Variants in KLHL38 observed in about 807,000 individuals in gnomAD.
KLHL38 encodes kelch like family member 38.
A neutral mutation model predicts 39.6 loss-of-function variants in KLHL38; 38 were observed. The observed-to-expected ratio is 0.96, with a 90% CI of 0.74 to 1.26. The LOEUF is 1.26. Ranked by LOEUF, KLHL38 falls within the 50% of genes most tolerant of loss-of-function variation. The pLI is 0.00. For missense variants in KLHL38, 803 were observed against 748.1 expected (o/e 1.07, Z -0.86); for synonymous variants, 322 against 302.2 (o/e 1.07, Z -0.68).
intron 2 of KLHL38, among the ~76,000 whole-genome samples, chr8:123,649,243 G>T (rs779084801): frequency 6.6e-6 from 1 of 152,178 alleles, no homozygotes. Flanking sequence ...TGACATGGAA[G>T]CACTTTGTTA....
chr8:123,645,628 C>T lies in KLHL38; in HGVS notation c.*111G>A, dbSNP rs1263268558. The T allele has an allele frequency of 3.3e-6, 4 of 1,208,984 alleles. No homozygotes were observed. Among genetic ancestry groups the T allele is most frequent in the Non-Finnish European group, 2.3e-6 (2 of 852,024 alleles). 74.9% of individuals were successfully genotyped at this position (1,208,984 alleles called of 1,614,324 possible). ...TCCAGGCCTCCCGACTCTGGTACCT[C>T]AGTCTTGTGAGCTCTCCCTGCAGCC... On this transcript the variant is annotated 3_prime_UTR_variant, in exon 4 of 4. Transcript: ENST00000684634.
rs560104487 is a variant in KLHL38, at chr8:123,648,833, C to T, written c.1351-1819G>A. On this transcript the variant is annotated intron_variant, in intron 2 of 3. Transcript: ENST00000684634. ...AGTGTAGTTCTGAAAAGAACGCACACACACAGATGAACAAGCCTATGAAGA... is the reference window on the plus strand; with the variant it reads ...AGTGTAGTTCTGAAAAGAACGCACATACACAGATGAACAAGCCTATGAAGA... 4.6e-5 allele frequency among the ~76,000 whole-genome samples: 7 copies of T among 152,314 alleles called. No homozygotes were observed. The South Asian group carries it at 1.5e-3, about 32-fold the overall frequency.
Position 123,646,949 on chromosome 8 carries a change from G to A in KLHL38, c.1416C>T (p.Ala472=), listed in dbSNP as rs1175241534. 3 of 1,613,750 alleles carry A rather than the reference G, an allele frequency of 1.9e-6. No individual in the cohort carries two copies. In the East Asian group the frequency reaches 6.7e-5, roughly 36 times the overall value. Residue 472 remains alanine (A), a synonymous_variant, in exon 3 of 4, where the codon GCC becomes GCT. Transcript: ENST00000684634. ...TCCGCTCCCCAAGCACCACTGCAGG[G>A]GCACACACGTTCTTGATCATTCTTG... The part of the protein sequence containing the change: ...METRMIKNVC[A]PAVVLGERIV...
In KLHL38 at chr8:123,651,412, G is replaced by A. The variant is rs1812640926; in HGVS notation, c.1350+165C>T. Among the ~76,000 whole-genome samples the A allele has an allele frequency of 1.3e-5, 2 of 152,212 alleles. 1 individual carries two copies. Among genetic ancestry groups the A allele is most frequent in the South Asian group, 4.1e-4 (2 of 4,832 alleles). ...TTTCTGCATATATGTGTGCACGCAT[G>A]TATGCATATGTGTGTTTGTGTATAT... On this transcript the variant is annotated intron_variant, in intron 2 of 3. Coordinates refer to ENST00000684634, the MANE Select transcript of KLHL38 (RefSeq NM_001081675.3).
At position 123,651,912 on chromosome 8, in the gene KLHL38, C is replaced by T; in HGVS notation, c.1015G>A (p.Gly339Ser). 1 of 1,614,178 alleles carries T rather than the reference C, an allele frequency of 6.2e-7. No homozygotes were observed. Among genetic ancestry groups the T allele is most frequent in the Non-Finnish European group, 8.5e-7 (1 of 1,180,028 alleles). ...TLHRSIYVLG[G>S]MAVSSGRSLV... ...CTCCTCCCTGAGCTGACAGCCATGC[C>T]CCCCAGCACATAGATGCTGCGGTGC... is the stretch of plus-strand genomic sequence containing the variant. The change falls in exon 2 of 4, where the codon GGC becomes AGC. Residue 339 changes from glycine (G) to serine (S), a missense_variant. By Grantham distance (56) the Gly-to-Ser change is moderately conservative. Transcript: ENST00000684634.
intron 2 of KLHL38, among the ~76,000 whole-genome samples, chr8:123,647,749 C>G (rs1465429785): frequency 6.6e-6 from 1 of 152,150 alleles, no homozygotes; most frequent in Non-Finnish European, 1.5e-5. Context: ...AGGAAAATGG[C>G]ATAGTATTCT....
In KLHL38 at chr8:123,645,826, C is replaced by T; in HGVS notation, c.1659G>A (p.Trp553Ter). Residue 553 changes from tryptophan to a stop codon, truncating the protein, a stop_gained, in exon 4 of 4, where the codon TGG (tryptophan) becomes TGA (stop). Coordinates refer to ENST00000684634, the MANE Select transcript of KLHL38 (RefSeq NM_001081675.3). LOFTEE classifies it high-confidence loss of function. ...FDCYDPETDTWTSQGQLPHKL... is the reference protein window; with the variant it reads ...FDCYDPETDT ...TGTGCGGCAGCTGTCCCTGGGATGT[C>T]CAGGTGTCCGTCTCGGGGTCGTAGC... The T allele has an allele frequency of 6.2e-7, 1 of 1,613,798 alleles. No homozygotes were observed. The highest frequency in any genetic ancestry group is 2.2e-5 in the East Asian group (1 of 44,876).
Position 123,652,325 on chromosome 8 carries a change from A to C in KLHL38, c.602T>G (p.Met201Arg), listed in dbSNP as rs760977920. The change falls in exon 2 of 4, where the codon ATG (methionine) becomes AGG (arginine). Residue 201 changes from methionine (M) to arginine (R), a missense_variant. Met to Arg is a moderately conservative substitution (Grantham distance 91). Coordinates refer to ENST00000684634, the MANE Select transcript of KLHL38 (RefSeq NM_001081675.3). ...GEEEKVFEALMVWIKHDLQAR... is the reference protein window; with the variant it reads ...GEEEKVFEALRVWIKHDLQAR... ...CTGGAGGTCATGCTTGATCCAAACC[A>C]TGAGGGCCTCAAACACCTTTTCCTC... The C allele has an allele frequency of 1.2e-6, 2 of 1,613,842 alleles. No homozygotes were observed. Among genetic ancestry groups the C allele is most frequent in the Admixed American group, 3.3e-5 (2 of 60,012 alleles).
rs1818644923 is a variant in KLHL38, at chr8:123,645,469, GAGAGAGAGAGAC to G, written c.*258_*269del. On this transcript the variant is annotated 3_prime_UTR_variant, in exon 4 of 4. Transcript: ENST00000684634. The stretch of plus-strand genomic sequence containing the variant: ...AGAAAAAGAGAGAGAGAGAGAGAGA[GAGAGAGAGAGAC>G]AGACAGAGATAGGGGAGAGAAAGAA... The G allele has an allele frequency of 6.1e-6, 3 of 492,440 alleles. No homozygotes were observed. The highest frequency in any genetic ancestry group is 6.6e-5 in the Admixed American group (2 of 30,254). 30.5% of individuals were successfully genotyped at this position (492,440 alleles called of 1,614,324 possible).
chr8:123,652,397 G>T lies in KLHL38; in HGVS notation c.530C>A (p.Ala177Asp). The T allele has an allele frequency of 1.9e-6, 3 of 1,613,998 alleles. No homozygotes were observed. The highest frequency in any genetic ancestry group is 2.2e-5 in the East Asian group (1 of 44,862). Residue 177 changes from alanine (A) to aspartate (D), a missense_variant, in exon 2 of 4, where the codon GCC becomes GAC. Coordinates refer to ENST00000684634, the MANE Select transcript of KLHL38 (RefSeq NM_001081675.3). ...TCCGAGATAGTCCCTCAACTCCAAG[G>T]CACAGAGCTCCTTCAGGTCGGCCGA... is the stretch of plus-strand genomic sequence containing the variant. ...AASADLKELC[A>D]LELRDYLGDD...
At chr8:123,650,117 C>A (rs1454373333) in intron 2 of KLHL38, among the ~76,000 whole-genome samples, 1 of 150,418 alleles carries the variant, frequency 6.6e-6, no homozygotes, top group Non-Finnish European at 1.5e-5. Flanking sequence ...CTCTCCTCTC[C>A]TGCCCCTCTG....
intron 2 of KLHL38, among the ~76,000 whole-genome samples, chr8:123,648,087 T>C (rs187574977): frequency 1.3e-5 from 2 of 152,210 alleles, no homozygotes; most frequent in African/African-American, 4.8e-5. Flanking sequence ...TCTCAAAAAA[T>C]AAAATAAGGT....
rs748308485 is a variant in KLHL38, at chr8:123,646,008, C to T, written c.1477G>A (p.Ala493Thr). ...AATTTGTTGGATTGAGGGTCATAAG[C>T]AAGAATCCTCCTTGTGTAACCTGAA... ...IVGGYTRRILAYDPQSNKFVK... is the reference protein window; with the variant it reads ...IVGGYTRRILTYDPQSNKFVK... The change falls in exon 4 of 4, where the codon GCT (alanine) becomes ACT (threonine). Residue 493 changes from alanine to threonine, a missense_variant. Physicochemically the swap from Ala to Thr is moderately conservative, Grantham distance 58. Coordinates refer to ENST00000684634, the MANE Select transcript of KLHL38 (RefSeq NM_001081675.3). The T allele has an allele frequency of 1.2e-6, 2 of 1,614,110 alleles. No individual in the cohort carries two copies. The highest frequency in any genetic ancestry group is 1.7e-6 in the Non-Finnish European group (2 of 1,179,976).
At chr8:123,648,461 G>A (rs992603726) in intron 2 of KLHL38, among the ~76,000 whole-genome samples, 1 of 152,198 alleles carries the variant, frequency 6.6e-6, no homozygotes, top group Non-Finnish European at 1.5e-5. Flanking sequence ...GGTCACAATG[G>A]CCGTTTCATC....
Position 123,644,513 on chromosome 8 carries a change from A to T in KLHL38, c.*1226T>A, listed in dbSNP as rs1311662408. Among the ~76,000 whole-genome samples, 1 of 152,242 alleles carries T rather than the reference A, an allele frequency of 6.6e-6. No homozygotes were observed. The highest frequency in any genetic ancestry group is 1.5e-5 in the Non-Finnish European group (1 of 68,046). Reference sequence around the variant, plus strand: ...ACAAACATTAGATACTGAATTGTGCATATATCTCTGGAATTTCAATGTACT... The same window carrying T: ...ACAAACATTAGATACTGAATTGTGCTTATATCTCTGGAATTTCAATGTACT... On this transcript the variant is annotated 3_prime_UTR_variant, in exon 4 of 4. Coordinates refer to ENST00000684634, the MANE Select transcript of KLHL38 (RefSeq NM_001081675.3).
chr8:123,651,779 T>C lies in KLHL38; in HGVS notation c.1148A>G (p.Asn383Ser). The C allele has an allele frequency of 1.2e-6, 2 of 1,614,114 alleles. No homozygotes were observed. Among genetic ancestry groups the C allele is most frequent in the African/African-American group, 1.3e-5 (1 of 75,042 alleles). The stretch of plus-strand genomic sequence containing the variant: ...AATCCCCCCGATGGAGAAGATGAAG[T>C]TCTTATGGGCAGTGCTTCTGTGGGA... ...RYSHRSTAHK[N>S]FIFSIGGIGE... Residue 383 changes from asparagine to serine, a missense_variant, in exon 2 of 4, where the codon AAC becomes AGC. Transcript: ENST00000684634.
chr8:123,649,159 A>C (rs1812586187), intron 2 of KLHL38, among the ~76,000 whole-genome samples: 1 of 152,312 alleles, frequency 6.6e-6, no homozygotes, highest in East Asian at 1.9e-4. Context: ...GGTCAATGGC[A>C]GTTTTGCAAT....
Position 123,652,472 on chromosome 8 carries a change from T to C in KLHL38, c.455A>G (p.Lys152Arg). 6.2e-7 allele frequency: 1 copy of C among 1,614,176 alleles called. No individual in the cohort carries two copies. Among genetic ancestry groups the C allele is most frequent in the Non-Finnish European group, 8.5e-7 (1 of 1,180,034 alleles). The change falls in exon 2 of 4, where the codon AAG (lysine) becomes AGG (arginine). Residue 152 changes from lysine (K) to arginine (R), a missense_variant. Lys to Arg is a conservative substitution (Grantham distance 26). Transcript: ENST00000684634. ...CAGTGCCACCTCCCTGGCTTTCTTC[T>C]TGAGGGTCTCGCAGCTTAAGATTTC... The part of the protein sequence containing the change: ...LSEILSCETL[K>R]KKAREVALTS...
At position 123,653,604 on chromosome 8, in the gene KLHL38, C is replaced by T. The variant is rs1336160278; in HGVS notation, c.-20G>A. Among the ~76,000 whole-genome samples the T allele has an allele frequency of 2.6e-5, 4 of 152,224 alleles. No homozygotes were observed. The highest frequency in any genetic ancestry group is 4.8e-5 in the African/African-American group (2 of 41,458). On this transcript the variant is annotated 5_prime_UTR_variant, in exon 1 of 4. An upstream start codon of the reference 5' UTR is lost. Transcript: ENST00000684634. Reference sequence around the variant, plus strand: ...CACTTACCTTGTTTTGCTGCGGTGACATCCACTGGTGCCTGGTCTGACTTA... The same window carrying T: ...CACTTACCTTGTTTTGCTGCGGTGATATCCACTGGTGCCTGGTCTGACTTA...
Sources: gnomAD v4.1 joint callset for allele counts (sites outside exome capture counted in the v4.1 genomes callset) on GRCh38, gnomAD v4.1.1 for gene constraint, MANE v1.5 for transcripts, NCBI Gene and HGNC (gene_info 2026-07-23, HGNC 2026-07-21) for gene names.